The following AFF3 variants were observed in gnomAD, a reference collection of about 807,000 sequenced individuals.
The protein encoded by AFF3 is ALF transcription elongation factor 3, also known as AF4/FMR2 family member 3.
In AFF3, 32 loss-of-function variants were observed where a neutral mutation model predicts 129.7. The observed-to-expected ratio is 0.25, with a 90% CI of 0.19 to 0.33. The LOEUF (loss-of-function observed/expected upper bound fraction) is 0.33. Ranked by LOEUF, AFF3 falls within the 10% of genes least tolerant of loss-of-function variation. AFF3 has a pLI of 1.00. For missense variants in AFF3, 1,373 were observed against 1,592.0 expected, an observed-to-expected ratio of 0.86 and a Z score of 2.34; for synonymous variants, 644 against 635.4, an observed-to-expected ratio of 1.01 and a Z score of -0.20.
chr2:99,945,091 G>A (rs1378379889), intron 7 of AFF3, among the ~76,000 whole-genome samples: 3 of 152,150 alleles, frequency 2.0e-5, no homozygotes, highest in Admixed American at 6.5e-5. Flanking sequence ...CCTTAGACAT[G>A]AGCACATGTA....
intron 7 of AFF3, among the ~76,000 whole-genome samples, chr2:99,961,675 C>A (rs1464935613): frequency 1.3e-5 from 2 of 152,148 alleles, no homozygotes; most frequent in African/African-American, 4.8e-5. Flanking sequence ...GAAAATACCA[C>A]AAGGGGCAGC....
chr2:99,747,122 A>G (rs773888539), intron 9 of AFF3, among the ~76,000 whole-genome samples: 1 of 152,092 alleles, frequency 6.6e-6, no homozygotes, highest in Non-Finnish European at 1.5e-5. Context: ...TCCGCCTCCC[A>G]GGTTCAAGCA....
chr2:99,614,977 A>T (rs1189300324), intron 13 of AFF3, among the ~76,000 whole-genome samples: 1 of 152,246 alleles, frequency 6.6e-6, no homozygotes, highest in Non-Finnish European at 1.5e-5. Context: ...TTGGTTCCCA[A>T]ATATTCCTGG....
intron 7 of AFF3, among the ~76,000 whole-genome samples, chr2:99,943,718 A>G (rs977917309): frequency 1.3e-5 from 2 of 152,176 alleles, no homozygotes; most frequent in Non-Finnish European, 2.9e-5. Flanking sequence ...TTGTTAAAAA[A>G]GTGGAATCGT....
chr2:99,550,865 A>C lies in AFF3; in HGVS notation c.*609T>G, dbSNP rs1674357541. Reference sequence around the variant, plus strand: ...TTAGAGGAAGAGCAGGGTATTTGGTAACATGCAATCTAGTAAACTTCCGGC... The same window carrying C: ...TTAGAGGAAGAGCAGGGTATTTGGTCACATGCAATCTAGTAAACTTCCGGC... On this transcript the variant is annotated 3_prime_UTR_variant, in exon 25 of 25. Coordinates refer to ENST00000672756, the MANE Select transcript of AFF3 (RefSeq NM_001386135.1). 1 of 241,830 alleles carries C rather than the reference A, an allele frequency of 4.1e-6. No individual in the cohort carries two copies. 15.0% of individuals were successfully genotyped at this position (241,830 alleles called of 1,614,324 possible).
intron 2 of AFF3, chr2:100,112,526 T>C (rs903874184): frequency 4.2e-5 from 6 of 142,598 alleles, no homozygotes; most frequent in Non-Finnish European, 6.4e-5. Flanking sequence ...ACCCTGTCCC[T>C]ACAAAAAATA....
chr2:99,639,472 T>C (rs911220743), intron 13 of AFF3, among the ~76,000 whole-genome samples: 8 of 152,186 alleles, frequency 5.3e-5, no homozygotes, highest in Non-Finnish European at 1.0e-4. Context: ...AGGAGAGGAC[T>C]GCATGGAGAC....
intron 10 of AFF3, among the ~76,000 whole-genome samples, chr2:99,730,235 T>C (rs575007083): frequency 5.3e-5 from 8 of 152,280 alleles, no homozygotes; most frequent in African/African-American, 1.9e-4. Flanking sequence ...CAGTTTGAGA[T>C]ATGAAACAGC....
rs1678918145 is a variant in AFF3 at position 99,593,286 on chromosome 2, G to A, written c.2375C>T (p.Pro792Leu). 5.6e-6 allele frequency: 9 copies of A among 1,613,962 alleles called. No individual in the cohort carries two copies. The highest frequency in any genetic ancestry group is 7.6e-6 in the Non-Finnish European group (9 of 1,179,896). ...TGCGCTCTCAGAGTCCTTGGTGGCAGGGGCGCTCAATACCCCTGGCTCCTG... is the reference window on the plus strand; with the variant it reads ...TGCGCTCTCAGAGTCCTTGGTGGCAAGGGCGCTCAATACCCCTGGCTCCTG... ...LPQEPGVLSA[P>L]ATKDSESAPP... is the part of the protein sequence containing the mutation. Residue 792 changes from proline to leucine, a missense_variant, in exon 15 of 25, where the codon CCT becomes CTT. Transcript: ENST00000672756.
intron 8 of AFF3, among the ~76,000 whole-genome samples, chr2:99,836,212 T>C (rs1429271): frequency 0.92 from 140,676 of 152,202 alleles, 65,109 homozygotes; most frequent in East Asian, 1. Context: ...TATCCTTTTG[T>C]GGACATAAAC....
chr2:99,659,060 C>A (rs1686002824), intron 12 of AFF3, among the ~76,000 whole-genome samples: 1 of 152,170 alleles, frequency 6.6e-6, no homozygotes, highest in South Asian at 2.1e-4. Context: ...GGGAAGAATT[C>A]TTTTTACCTC....
chr2:99,695,316 G>A (rs973780911), intron 11 of AFF3, among the ~76,000 whole-genome samples: 27 of 152,112 alleles, frequency 1.8e-4, no homozygotes, highest in African/African-American at 6.0e-4. Flanking sequence ...CTGGCCCCAC[G>A]CTCAGTTCTT....
At chr2:99,563,001 C>G (rs1352175221) in intron 20 of AFF3, among the ~76,000 whole-genome samples, 1 of 146,766 alleles carries the variant, frequency 6.8e-6, no homozygotes, top group East Asian at 2.0e-4. Context: ...CACTGACCCA[C>G]GCCTGCTTGG....
At chr2:99,999,503 T>C (rs1681185045) in intron 7 of AFF3, among the ~76,000 whole-genome samples, 1 of 152,118 alleles carries the variant, frequency 6.6e-6, no homozygotes, top group Non-Finnish European at 1.5e-5. Context: ...TAAACAAAAA[T>C]CCCTGGTTTT....
chr2:100,094,816 C>A (rs1326779535), intron 4 of AFF3, among the ~76,000 whole-genome samples: 3 of 136,220 alleles, frequency 2.2e-5, no homozygotes, highest in African/African-American at 8.5e-5. Context: ...ACCTACTTCA[C>A]AGCCTGAGAT....
chr2:99,656,787 T>C (rs1296165335), intron 12 of AFF3, among the ~76,000 whole-genome samples: 1 of 152,188 alleles, frequency 6.6e-6, no homozygotes, highest in East Asian at 1.9e-4. Flanking sequence ...TTCTTACTCC[T>C]CTCTATTTTT....
chr2:100,035,192 G>A (rs1458557911), intron 4 of AFF3, among the ~76,000 whole-genome samples: 2 of 152,174 alleles, frequency 1.3e-5, no homozygotes, highest in African/African-American at 4.8e-5. Context: ...CTTTGAAGAC[G>A]CTCAGGCCAA....
At chr2:99,608,544 C>T (rs188193954) in intron 13 of AFF3, among the ~76,000 whole-genome samples, 4 of 152,216 alleles carry the variant, frequency 2.6e-5, no homozygotes, top group African/African-American at 7.2e-5. Context: ...ACGGGGGCCA[C>T]GCAAGTAGCA....
At chr2:99,860,354 C>T (rs1690883007) in intron 7 of AFF3, among the ~76,000 whole-genome samples, 1 of 152,076 alleles carries the variant, frequency 6.6e-6, no homozygotes, top group Non-Finnish European at 1.5e-5. Flanking sequence ...GAGATTGAGA[C>T]CATCCTGGCT....
Sources: allele counts gnomAD v4.1 joint callset (sites outside exome capture counted in the v4.1 genomes callset), GRCh38; gene constraint gnomAD v4.1.1; transcripts MANE v1.5; gene names NCBI Gene and HGNC (gene_info 2026-07-23, HGNC 2026-07-21).